Variants in SKP2 observed in about 807,000 individuals in gnomAD.
The protein encoded by SKP2 is S-phase kinase associated protein 2.
Under a neutral mutation model 51.8 loss-of-function variants are expected in SKP2, and 16 were observed. The ratio of observed to expected loss-of-function variants is 0.31; its 90% confidence interval spans 0.21 to 0.47. The LOEUF is 0.47. SKP2 is among the 20% of genes least tolerant of loss of function. SKP2 has a pLI of 1.00. For synonymous variants in SKP2, 176 were observed against 198.6 expected, an observed-to-expected ratio of 0.89 and a Z score of 0.96; for missense variants, 377 against 505.3, an observed-to-expected ratio of 0.75 and a Z score of 2.43.
chr5:36,164,116 G>C (rs763458890), intron 3 of SKP2, among the ~76,000 whole-genome samples: 1 of 152,164 alleles, frequency 6.6e-6, no homozygotes, highest in Non-Finnish European at 1.5e-5. Context: ...ATAGGGAGAG[G>C]GAACACAGGC....
rs142325940 is a variant in SKP2, at chr5:36,181,839, A to T, written c.1083A>T (p.Thr361=). 3.1e-6 allele frequency: 5 copies of T among 1,613,752 alleles called. No individual in the cohort carries two copies. The highest frequency in any genetic ancestry group is 1.3e-5 in the African/African-American group (1 of 75,038). The change falls in exon 10 of 10, where the codon ACA becomes ACT. Residue 361 remains threonine, a synonymous_variant. Transcript: ENST00000274255. ...ETLLELGEIP[T]LKTLQVFGIV... ...CCAGTGAACTTGGAGAAATTCCCAC[A>T]CTAAAAACACTACAAGTTTTTGGAA...
chr5:36,173,313 T>G (rs1181572363), intron 7 of SKP2, among the ~76,000 whole-genome samples: 1 of 152,194 alleles, frequency 6.6e-6, no homozygotes, highest in Non-Finnish European at 1.5e-5. Context: ...TAAGGATAGA[T>G]TCTTAAAAGT....
chr5:36,166,617 G>A lies in SKP2; in HGVS notation c.491G>A (p.Arg164His), dbSNP rs1745296142. 9 of 1,613,720 alleles carry A rather than the reference G, an allele frequency of 5.6e-6. No individual in the cohort carries two copies. The highest frequency in any genetic ancestry group is 1.7e-5 in the Admixed American group (1 of 59,974). The change falls in exon 4 of 10, where the codon CGC becomes CAC. Residue 164 changes from arginine to histidine, a missense_variant. Transcript: ENST00000274255. Reference protein sequence around the residue: ...RLLSQGVIAFRCPRSFMDQPL... With the variant: ...RLLSQGVIAFHCPRSFMDQPL... ...CTGTCTCAAGGGGTGATTGCCTTCCGCTGCCCACGATCATTTATGGACCAA... is the reference window on the plus strand; with the variant it reads ...CTGTCTCAAGGGGTGATTGCCTTCCACTGCCCACGATCATTTATGGACCAA...
Position 36,184,182 on chromosome 5 carries a change from C to T in SKP2, c.*2151C>T, listed in dbSNP as rs3849785. On this transcript the variant is annotated 3_prime_UTR_variant, in exon 10 of 10. Coordinates refer to ENST00000274255, the MANE Select transcript of SKP2 (RefSeq NM_005983.4). ...AGAGCCCTGAGATGGTCCTTTTTGACCCATCTACTTCATATGCTTGTCACA... is the reference window on the plus strand; with the variant it reads ...AGAGCCCTGAGATGGTCCTTTTTGATCCATCTACTTCATATGCTTGTCACA... 1 of 429,320 alleles carries T rather than the reference C, an allele frequency of 2.3e-6. No individual in the cohort carries two copies. The highest frequency in any genetic ancestry group is 4.1e-6 in the Non-Finnish European group (1 of 244,628). The allele number at this position is 429,320 out of a possible 1,614,324, so 26.6% of individuals were successfully genotyped here.
downstream of SKP2, among the ~76,000 whole-genome samples, chr5:36,186,052 T>C (rs527251417): frequency 1.3e-5 from 2 of 152,304 alleles, no homozygotes; most frequent in South Asian, 4.1e-4. Flanking sequence ...TGGCTCTCTG[T>C]TTATCTGTTA....
intron 2 of SKP2, among the ~76,000 whole-genome samples, chr5:36,155,879 C>T (rs2111947101): frequency 6.6e-6 from 1 of 152,196 alleles, no homozygotes; most frequent in East Asian, 1.9e-4. Context: ...GGAGTCTTTG[C>T]TATTTCCCAG....
chr5:36,166,581 C>G lies in SKP2; in HGVS notation c.455C>G (p.Thr152Ser). Residue 152 changes from threonine (T) to serine (S), a missense_variant, in exon 4 of 10, where the codon ACT becomes AGT. Physicochemically the swap from Thr to Ser is moderately conservative, Grantham distance 58. Around this residue, in one of 2 missense-constraint regions of SKP2, gnomAD observed 262 missense variants for 389.8 expected, o/e 0.67. Transcript: ENST00000274255. ...GGTAAAAATCTGCACCCGGATGTGA[C>G]TGGTCGGTTGCTGTCTCAAGGGGTG... ...LTGKNLHPDV[T>S]GRLLSQGVIA... is the part of the protein sequence containing the mutation. The G allele has an allele frequency of 6.2e-7, 1 of 1,613,756 alleles. No homozygotes were observed. Among genetic ancestry groups the G allele is most frequent in the Non-Finnish European group, 8.5e-7 (1 of 1,179,674 alleles).
chr5:36,180,483 A>C, intron 9 of SKP2, among the ~76,000 whole-genome samples: 1 of 152,326 alleles, frequency 6.6e-6, no homozygotes, highest in Non-Finnish European at 1.5e-5. Flanking sequence ...TATTTTATAA[A>C]TTAGCCTTCA....
intron 6 of SKP2, among the ~76,000 whole-genome samples, chr5:36,190,849 A>G (rs1746008194): frequency 6.6e-6 from 1 of 152,156 alleles, no homozygotes; most frequent in South Asian, 2.1e-4. Flanking sequence ...CTATTTTGGT[A>G]TATACCTCTA....
intron 2 of SKP2, among the ~76,000 whole-genome samples, chr5:36,159,358 A>G (rs1288306568): frequency 6.6e-6 from 1 of 152,154 alleles, no homozygotes; most frequent in Non-Finnish European, 1.5e-5. Context: ...ATGTCTTCCT[A>G]ATAGAAAGCA....
chr5:36,168,545 T>C (rs1745368639), intron 5 of SKP2, 98 bp downstream of exon 5: 2 of 1,162,732 alleles, frequency 1.7e-6, no homozygotes, highest in Non-Finnish European at 2.5e-6. Flanking sequence ...CATATCCAGG[T>C]GGATACAGAA....
chr5:36,159,588 C>T (rs1473343702), intron 2 of SKP2, among the ~76,000 whole-genome samples: 1 of 152,190 alleles, frequency 6.6e-6, no homozygotes, highest in Non-Finnish European at 1.5e-5. Flanking sequence ...TGACCAACAG[C>T]AATTGATGGA....
chr5:36,191,390 TTC>T (rs1247860026), intron 6 of SKP2, among the ~76,000 whole-genome samples: 189 of 138,382 alleles, frequency 1.4e-3, no homozygotes, highest in Non-Finnish European at 2.4e-3. Flanking sequence ...TATCATCAAG[TTC>T]TTTTTTTTTT....
At position 36,174,977 on chromosome 5, in the gene SKP2, A is replaced by C. The variant is rs932396495; in HGVS notation, c.902-1988A>C. ...TTGAATTTTTCCTAAGTGACATGGG[A>C]TATGGGAAGCCATTGGAGTATTTCG... On this transcript the variant is annotated intron_variant, in intron 7 of 9. Transcript: ENST00000274255. 5.3e-5 allele frequency among the ~76,000 whole-genome samples: 8 copies of C among 152,276 alleles called. No homozygotes were observed. The East Asian group carries it at 1.5e-3, about 29-fold the overall frequency.
intron 7 of SKP2, among the ~76,000 whole-genome samples, chr5:36,171,999 T>C (rs193150724): frequency 1.1e-3 from 172 of 152,366 alleles, no homozygotes; most frequent in African/African-American, 3.9e-3. Flanking sequence ...GAAAAACTTT[T>C]AATCAACTAA....
At chr5:36,181,780 G>A (rs767569817) in intron 9 of SKP2, 38 bp from the exon 10 acceptor site, 1 of 1,610,320 alleles carries the variant, frequency 6.2e-7, no homozygotes, top group Admixed American at 1.7e-5. Context: ...AGTTTCCATA[G>A]ATACTGCTAT....
At chr5:36,173,919 G>A (rs1372753376) in intron 7 of SKP2, among the ~76,000 whole-genome samples, 1 of 152,076 alleles carries the variant, frequency 6.6e-6, no homozygotes, top group Admixed American at 6.6e-5. Context: ...GGGTAGACTT[G>A]AGCAAGTTGC....
In SKP2 at chr5:36,182,657, G is replaced by C; in HGVS notation, c.*626G>C. ...AAGACCAAACATTACAAAACCCAGAGATATAGAATCAATATAGGATTTGAA... is the reference window on the plus strand; with the variant it reads ...AAGACCAAACATTACAAAACCCAGACATATAGAATCAATATAGGATTTGAA... On this transcript the variant is annotated 3_prime_UTR_variant, in exon 10 of 10. Coordinates refer to ENST00000274255, the MANE Select transcript of SKP2 (RefSeq NM_005983.4). 1 of 979,382 alleles carries C rather than the reference G, an allele frequency of 1.0e-6. No individual in the cohort carries two copies. The highest frequency in any genetic ancestry group is 1.2e-6 in the Non-Finnish European group (1 of 824,554). 60.7% of individuals were successfully genotyped at this position (979,382 alleles called of 1,614,324 possible). A position where few individuals can be genotyped will look rare whatever the true frequency, so the allele number is the denominator to read the frequency against.
In SKP2 at chr5:36,183,527, A is replaced by T; in HGVS notation, c.*1496A>T. 2.3e-6 allele frequency: 2 copies of T among 887,772 alleles called. No homozygotes were observed. Among genetic ancestry groups the T allele is most frequent in the Non-Finnish European group, 2.7e-6 (2 of 738,004 alleles). 55.0% of individuals were successfully genotyped at this position (887,772 alleles called of 1,614,324 possible). On this transcript the variant is annotated 3_prime_UTR_variant, in exon 10 of 10. Coordinates refer to ENST00000274255, the MANE Select transcript of SKP2 (RefSeq NM_005983.4). Reference sequence around the variant, plus strand: ...CATGATCCGCCCGTCTTGGCCTCCCAAAGTGCTGGGATTACAGGCATGAGC... The same window carrying T: ...CATGATCCGCCCGTCTTGGCCTCCCTAAGTGCTGGGATTACAGGCATGAGC...
Sources: allele counts gnomAD v4.1 joint callset (sites outside exome capture counted in the v4.1 genomes callset), GRCh38; gene constraint gnomAD v4.1.1; regional missense constraint gnomAD v4.1.1; transcripts MANE v1.5; gene names NCBI Gene and HGNC (gene_info 2026-07-23, HGNC 2026-07-21).